Variants in PHYKPL observed in about 807,000 individuals in gnomAD.
The protein encoded by PHYKPL is 5-phosphonooxy-L-lysine phospho-lyase.
In PHYKPL, 42 loss-of-function variants were observed where a neutral mutation model predicts 51.3. The ratio of observed to expected loss-of-function variants is 0.82; its 90% CI spans 0.64 to 1.06. The LOEUF is 1.06. PHYKPL is among the 50% of genes least tolerant of loss of function. PHYKPL has a pLI of 0.00. For missense variants in PHYKPL, 655 were observed against 586.6 expected, an observed-to-expected ratio of 1.12 and a Z score of -1.20; for synonymous variants, 264 against 236.0, an observed-to-expected ratio of 1.12 and a Z score of -1.09.
chr5:178,221,453 T>C (rs1761161229), intron 8 of PHYKPL, among the ~76,000 whole-genome samples: 1 of 152,148 alleles, frequency 6.6e-6, no homozygotes, highest in African/African-American at 2.4e-5. Flanking sequence ...CATGACCATG[T>C]GTCTGTGAGC....
At position 178,222,374 on chromosome 5, in the gene PHYKPL, C is replaced by A. The variant is rs746702673; in HGVS notation, c.908G>T (p.Gly303Val). The part of the protein sequence containing the change: ...QPVARAFEAT[G>V]VEYFNTFGGS... ...ACTCACCGTGTTGAAGTACTCAACG[C>A]CGGTGGCTTCAAATGCCCTCGCCAC... is the stretch of plus-strand genomic sequence containing the variant. The change falls in exon 8 of 13, where the codon GGC (glycine) becomes GTC (valine). Residue 303 changes from glycine (G) to valine (V), a missense_variant. Gly to Val is a moderately radical substitution (Grantham distance 109). Transcript: ENST00000308158. 52 of 1,613,448 alleles carry A rather than the reference C, an allele frequency of 3.2e-5. No individual in the cohort carries two copies. The highest frequency in any genetic ancestry group is 4.4e-5 in the Non-Finnish European group (52 of 1,179,412).
chr5:178,222,454 C>T lies in PHYKPL; in HGVS notation c.828G>A (p.Met276Ile). 6.2e-7 allele frequency: 1 copy of T among 1,614,258 alleles called. No homozygotes were observed. Among genetic ancestry groups the T allele is most frequent in the Non-Finnish European group, 8.5e-7 (1 of 1,180,052 alleles). The change falls in exon 8 of 13, where the codon ATG (methionine) becomes ATA (isoleucine). Residue 276 changes from methionine (M) to isoleucine (I), a missense_variant. By Grantham distance (10) the Met-to-Ile change is conservative. Coordinates refer to ENST00000308158, the MANE Select transcript of PHYKPL (RefSeq NM_153373.4). ...GGTGGCCGTTGCCAATGGACTTGCCCATGGTGACGATGTCAGGGACGAAGT... is the reference window on the plus strand; with the variant it reads ...GGTGGCCGTTGCCAATGGACTTGCCTATGGTGACGATGTCAGGGACGAAGT... ...GKDFVPDIVT[M>I]GKSIGNGHPV...
At chr5:178,215,131 G>T in intron 9 of PHYKPL, 145 bp downstream of exon 9, 1 of 1,356,796 alleles carries the variant, frequency 7.4e-7, no homozygotes, top group Non-Finnish European at 1.0e-6. Context: ...CAGGAGAGCC[G>T]TTTTGGGCAA....
At chr5:178,230,760 CACTT>C (rs1481540052) in intron 2 of PHYKPL, 1 of 154,246 alleles carries the variant, frequency 6.5e-6, no homozygotes, top group African/African-American at 2.4e-5. Context: ...TAAATTAACA[CACTT>C]AATTCTCCAA....
rs1759520143 is a variant in PHYKPL, at chr5:178,215,224, A to G, written c.1082+52T>C. ...GTTGTTAGGAGGTGAAGAAAATGGTACCACACTGGGCCTTGGCAGGTGGGT... is the reference window on the plus strand; with the variant it reads ...GTTGTTAGGAGGTGAAGAAAATGGTGCCACACTGGGCCTTGGCAGGTGGGT... On this transcript the variant is annotated intron_variant, in intron 9 of 12. Transcript: ENST00000308158. 7 of 1,611,538 alleles carry G rather than the reference A, an allele frequency of 4.3e-6. No individual in the cohort carries two copies. In the South Asian group the frequency reaches 5.5e-5, roughly 13 times the overall value.
chr5:178,228,453 A>G, intron 3 of PHYKPL: 1 of 689,554 alleles, frequency 1.5e-6, no homozygotes, highest in Non-Finnish European at 2.6e-6. Flanking sequence ...ACACAGAATA[A>G]AGCTGGTGGC....
intron 12 of PHYKPL, chr5:178,210,818 G>A (rs757835958): frequency 3.3e-6 from 2 of 603,826 alleles, no homozygotes; most frequent in Non-Finnish European, 5.9e-6. Context: ...AGCGTGTGGT[G>A]TCTGAGAGGC....
At chr5:178,231,832 G>A (rs1265644853) in intron 1 of PHYKPL, 29 of 1,360,726 alleles carry the variant, frequency 2.1e-5, no homozygotes, top group Non-Finnish European at 2.2e-5. Context: ...AAAGGTGGCT[G>A]CCCCGTCCCA....
At chr5:178,225,507 C>A (rs1304815398) in intron 3 of PHYKPL, 78 bp from the exon 4 acceptor site, 9 of 1,404,058 alleles carry the variant, frequency 6.4e-6, no homozygotes, top group Non-Finnish European at 8.0e-6. Flanking sequence ...GCAGGAGGAC[C>A]CTTCCAGCAG....
In PHYKPL at chr5:178,224,376, C is replaced by T. The variant is rs1761843989; in HGVS notation, c.618+72G>A. 2.1e-6 allele frequency: 3 copies of T among 1,440,516 alleles called. No homozygotes were observed. The East Asian group carries it at 6.9e-5, about 33-fold the overall frequency. The allele number at this position is 1,440,516 out of a possible 1,614,324, so 89.2% of individuals were successfully genotyped here. On this transcript the variant is annotated intron_variant, in intron 6 of 12. Coordinates refer to ENST00000308158, the MANE Select transcript of PHYKPL (RefSeq NM_153373.4). ...GGTTTTCTCTCTGGGTTCCCAGCAT[C>T]TAGCACAGTGGCGGTGACAACGGAG...
At chr5:178,222,263 T>C (rs1314613412) in intron 8 of PHYKPL, 92 bp downstream of exon 8, 20 of 1,150,796 alleles carry the variant, frequency 1.7e-5, no homozygotes, top group Non-Finnish European at 2.4e-5. Flanking sequence ...GGCACAGTGC[T>C]AGCCCTGTAG....
At chr5:178,229,809 A>T (rs1010338217) in intron 3 of PHYKPL, 131 bp downstream of exon 3, 32 of 1,166,860 alleles carry the variant, frequency 2.7e-5, no homozygotes, top group Non-Finnish European at 3.3e-5. Flanking sequence ...CGGGAATCTC[A>T]GGAGCCTGGT....
chr5:178,231,544 T>A, intron 1 of PHYKPL, 21 bp from the exon 2 acceptor site: 1 of 1,613,468 alleles, frequency 6.2e-7, no homozygotes, highest in Non-Finnish European at 8.5e-7. Flanking sequence ...AGGCAAGGAG[T>A]GGACAGCCAT....
intron 4 of PHYKPL, chr5:178,225,069 T>C (rs941549397): frequency 5.3e-6 from 3 of 565,814 alleles, no homozygotes; most frequent in African/African-American, 1.9e-5. Flanking sequence ...ACTCAATTCA[T>C]GGGAGCTACT....
chr5:178,230,379 AG>A (rs1476557784), intron 2 of PHYKPL: 2 of 384,732 alleles, frequency 5.2e-6, no homozygotes, highest in African/African-American at 4.2e-5. Flanking sequence ...TTTTTTTAAC[AG>A]GGCCTTACTC....
downstream of PHYKPL, among the ~76,000 whole-genome samples, chr5:178,207,977 T>C (rs778958016): frequency 6.6e-6 from 1 of 152,284 alleles, no homozygotes; most frequent in African/African-American, 2.4e-5. Flanking sequence ...TCACTTGGTC[T>C]TCTGGGCACC....
chr5:178,230,522 A>G (rs1191279027), intron 2 of PHYKPL: 1 of 156,424 alleles, frequency 6.4e-6, no homozygotes, highest in Non-Finnish European at 1.4e-5. Context: ...ATGCCTGGCT[A>G]ATTTTTAAGT....
intron 6 of PHYKPL, chr5:178,223,797 C>A (rs1247098806): frequency 6.9e-6 from 2 of 289,026 alleles, no homozygotes; most frequent in Non-Finnish European, 1.4e-5. Context: ...CCGTAGGTAA[C>A]ACACCTCTCT....
chr5:178,231,906 G>C (rs1366927834), intron 1 of PHYKPL: 1 of 1,304,270 alleles, frequency 7.7e-7, no homozygotes, highest in Non-Finnish European at 1.0e-6. Context: ...TTAGGTGCCT[G>C]GCTCTCAGCC....
Sources: gnomAD v4.1 joint callset for allele counts (sites outside exome capture counted in the v4.1 genomes callset) on GRCh38, gnomAD v4.1.1 for gene constraint, MANE v1.5 for transcripts, NCBI Gene and HGNC (gene_info 2026-07-23, HGNC 2026-07-21) for gene names.